The following LRRTM4 variants were observed in gnomAD, a reference collection of about 807,000 sequenced individuals.
LRRTM4 encodes leucine rich repeat transmembrane neuronal 4, also known as leucine-rich repeat transmembrane neuronal protein 4.
Under a neutral mutation model 47.6 loss-of-function variants are expected in LRRTM4, and 25 were observed. The observed-to-expected ratio is 0.53, with a 90% CI of 0.38 to 0.73. The LOEUF (loss-of-function observed/expected upper bound fraction) is 0.73. Ranked by LOEUF, LRRTM4 falls within the 30% of genes least tolerant of loss-of-function variation. The probability of loss-of-function intolerance (pLI) is 0.00; values close to 1 mark genes in which losing one functional copy is unlikely to be tolerated. For missense variants in LRRTM4, 638 were observed against 713.4 expected (o/e 0.89, Z 1.20); for synonymous variants, 311 against 269.5 (o/e 1.15, Z -1.51).
At chr2:77,222,968 G>A (rs916937464) in intron 3 of LRRTM4, among the ~76,000 whole-genome samples, 1 of 152,044 alleles carries the variant, frequency 6.6e-6, no homozygotes, top group Non-Finnish European at 1.5e-5. Context: ...ATAAAATACT[G>A]GCAAACTGAA....
At chr2:77,273,318 T>C (rs17013927) in intron 3 of LRRTM4, among the ~76,000 whole-genome samples, 7,894 of 152,246 alleles carry the variant, frequency 0.052, 634 homozygotes, top group African/African-American at 0.18. Context: ...TTCAACAGTT[T>C]AGATTCTTTT....
At chr2:77,488,490 T>C (rs1432205519) in intron 3 of LRRTM4, among the ~76,000 whole-genome samples, 1 of 152,162 alleles carries the variant, frequency 6.6e-6, no homozygotes, top group Non-Finnish European at 1.5e-5. Context: ...ATGAAGCCAG[T>C]GGGCCCCAGC....
At chr2:77,061,763 T>C (rs1462728535) in intron 3 of LRRTM4, among the ~76,000 whole-genome samples, 2 of 152,228 alleles carry the variant, frequency 1.3e-5, no homozygotes, top group African/African-American at 4.8e-5. Flanking sequence ...AAACTATGAT[T>C]CATTAATGTG....
chr2:76,854,745 A>T (rs1672097823), intron 3 of LRRTM4, among the ~76,000 whole-genome samples: 3 of 152,090 alleles, frequency 2.0e-5, no homozygotes, highest in African/African-American at 7.2e-5. Context: ...CTAAACATCT[A>T]CTATATGTCA....
intron 3 of LRRTM4, among the ~76,000 whole-genome samples, chr2:76,832,669 C>G (rs999574055): frequency 4.6e-5 from 7 of 151,996 alleles, no homozygotes; most frequent in African/African-American, 1.7e-4. Flanking sequence ...AAATAACATT[C>G]TGATTTCCAT....
At chr2:77,205,814 T>G (rs946519163) in intron 3 of LRRTM4, among the ~76,000 whole-genome samples, 3 of 152,158 alleles carry the variant, frequency 2.0e-5, no homozygotes, top group African/African-American at 4.8e-5. Context: ...CAGACATCAT[T>G]AATAATCATT....
intron 3 of LRRTM4, among the ~76,000 whole-genome samples, chr2:76,829,832 AG>A (rs757237063): frequency 6.6e-6 from 1 of 152,044 alleles, no homozygotes; most frequent in Non-Finnish European, 1.5e-5. Flanking sequence ...TTAATTCATC[AG>A]GGTTGTGGAA....
At chr2:77,467,822 A>G (rs1677036788) in intron 3 of LRRTM4, among the ~76,000 whole-genome samples, 1 of 152,212 alleles carries the variant, frequency 6.6e-6, no homozygotes, top group Non-Finnish European at 1.5e-5. Context: ...TTAGAGAAGA[A>G]ACACATTTTT....
At chr2:77,191,482 A>C (rs1195594395) in intron 3 of LRRTM4, among the ~76,000 whole-genome samples, 1 of 151,956 alleles carries the variant, frequency 6.6e-6, no homozygotes, top group African/African-American at 2.4e-5. Context: ...TAAAAGTGTA[A>C]TTTGAAATTA....
chr2:77,031,504 T>C (rs1212748410), intron 3 of LRRTM4, among the ~76,000 whole-genome samples: 2 of 152,188 alleles, frequency 1.3e-5, no homozygotes, highest in Non-Finnish European at 2.9e-5. Flanking sequence ...CACATTGTTC[T>C]ACTGAAATCA....
chr2:77,306,008 A>C (rs1677260905), intron 3 of LRRTM4, among the ~76,000 whole-genome samples: 1 of 152,140 alleles, frequency 6.6e-6, no homozygotes, highest in Admixed American at 6.6e-5. Context: ...ATGTATTATG[A>C]CCACATGTCC....
chr2:77,328,165 C>T (rs1670848657), intron 3 of LRRTM4, among the ~76,000 whole-genome samples: 1 of 152,062 alleles, frequency 6.6e-6, no homozygotes, highest in South Asian at 2.1e-4. Context: ...AGGTTTTATC[C>T]ATTAACTCCA....
At chr2:76,901,800 G>A (rs1230621319) in intron 3 of LRRTM4, among the ~76,000 whole-genome samples, 2 of 152,038 alleles carry the variant, frequency 1.3e-5, no homozygotes, top group Non-Finnish European at 2.9e-5. Flanking sequence ...CATGCACACT[G>A]GATCTGGCAG....
intron 3 of LRRTM4, among the ~76,000 whole-genome samples, chr2:76,968,097 A>G (rs1676087929): frequency 6.6e-6 from 1 of 151,236 alleles, no homozygotes; most frequent in Non-Finnish European, 1.5e-5. Flanking sequence ...TATCGCACAG[A>G]TCTATCTGTG....
At chr2:77,039,348 G>A (rs2104169268) in intron 3 of LRRTM4, among the ~76,000 whole-genome samples, 1 of 149,470 alleles carries the variant, frequency 6.7e-6, no homozygotes, top group African/African-American at 2.4e-5. Context: ...TTAAATGAAG[G>A]CAAATCAGAT....
intron 3 of LRRTM4, among the ~76,000 whole-genome samples, chr2:77,038,865 C>T (rs1678932300): frequency 6.6e-6 from 1 of 151,390 alleles, no homozygotes; most frequent in African/African-American, 2.4e-5. Context: ...GCACACTTGA[C>T]TCTCAGACAA....
At chr2:77,010,806 G>C (rs1461181960) in intron 3 of LRRTM4, among the ~76,000 whole-genome samples, 1 of 152,114 alleles carries the variant, frequency 6.6e-6, no homozygotes, top group South Asian at 2.1e-4. Flanking sequence ...CCACTGTTGA[G>C]AATGAGATTA....
intron 3 of LRRTM4, among the ~76,000 whole-genome samples, chr2:77,253,731 A>C (rs548229901): frequency 6.6e-6 from 1 of 152,146 alleles, no homozygotes; most frequent in Non-Finnish European, 1.5e-5. Context: ...TTTGTGAAGA[A>C]ATAGAATATA....
At chr2:76,892,404 T>C (rs1673283614) in intron 3 of LRRTM4, among the ~76,000 whole-genome samples, 1 of 151,808 alleles carries the variant, frequency 6.6e-6, no homozygotes. Context: ...ACTATTATTT[T>C]AGAAACATGT....
Sources: gnomAD v4.1 joint callset for allele counts (sites outside exome capture counted in the v4.1 genomes callset) on GRCh38, gnomAD v4.1.1 for gene constraint, MANE v1.5 for transcripts, NCBI Gene and HGNC (gene_info 2026-07-23, HGNC 2026-07-21) for gene names.